LINGO2: variants seen among roughly 807,000 people sequenced by gnomAD.
The protein encoded by LINGO2 is leucine rich repeat and Ig domain containing 2, also known as leucine-rich repeat and immunoglobulin-like domain-containing nogo receptor-interacting protein 2.
Under a neutral mutation model 30.6 loss-of-function variants are expected in LINGO2, and 14 were observed. That is an observed-to-expected ratio of 0.46 (90% CI 0.30 to 0.72). The LOEUF (loss-of-function observed/expected upper bound fraction) is 0.72, where lower values mean the gene tolerates loss of function less well. LINGO2 is among the 30% of genes least tolerant of loss of function. LINGO2 has a pLI of 0.07. For synonymous variants in LINGO2, 317 were observed against 288.5 expected (o/e 1.10, Z -1.00); for missense variants, 729 against 751.7 (o/e 0.97, Z 0.35).
intron 2 of LINGO2, among the ~76,000 whole-genome samples, chr9:28,466,421 G>C (rs913157730): frequency 6.6e-6 from 1 of 152,110 alleles, no homozygotes; most frequent in Admixed American, 6.5e-5. Flanking sequence ...AATTAAAATA[G>C]TTCATGAGAC....
In LINGO2 at chr9:28,467,086, C is replaced by T. The variant is rs865891719; in HGVS notation, c.-279+8854G>A. ...TGTTGCCCTGGCTAGAGTGCAGTGG[C>T]GCCATCTTGACTCACTGCAAGCTCC... On this transcript the variant is annotated intron_variant, in intron 2 of 5. Transcript: ENST00000379992. Among the ~76,000 whole-genome samples, 26 of 150,702 alleles carry T rather than the reference C, an allele frequency of 1.7e-4. No individual in the cohort carries two copies. The Middle Eastern group carries it at 0.021, about 120-fold the overall frequency.
the LINGO2 span, among the ~76,000 whole-genome samples, chr9:29,031,519 G>A: frequency 2.6e-5 from 4 of 151,966 alleles, no homozygotes; most frequent in South Asian, 6.2e-4. Context: ...CTAACCTCAA[G>A]TGATCTGCCC....
Position 28,148,989 on chromosome 9 carries a change from A to T in LINGO2, c.-86-136584T>A. On this transcript the variant is annotated intron_variant, in intron 4 of 5. Transcript: ENST00000379992. This position sits in a 1 kb window ranked among gnomAD's most constrained non-coding sequence, Gnocchi z 5.1. ...CTGTCGGGGCCACCGCTGCAGCTGC[A>T]ACCGACCCCTCCCCTGCAACTGAGG... is the stretch of plus-strand genomic sequence containing the variant. The T allele has an allele frequency of 2.0e-6, 3 of 1,534,266 alleles. No individual in the cohort carries two copies. Among genetic ancestry groups the T allele is most frequent in the Admixed American group, 3.9e-5 (2 of 50,998 alleles).
At chr9:28,812,132 T>C in the LINGO2 span, among the ~76,000 whole-genome samples, 1 of 152,208 alleles carries the variant, frequency 6.6e-6, no homozygotes, top group Admixed American at 6.5e-5. Context: ...TTTAGAATTT[T>C]AAACACTTAC....
the LINGO2 span, among the ~76,000 whole-genome samples, chr9:28,680,972 C>G: frequency 6.6e-6 from 1 of 151,990 alleles, no homozygotes; most frequent in Non-Finnish European, 1.5e-5. Flanking sequence ...TTTATTTTCC[C>G]TCTTGTTACT....
chr9:29,150,396 A>G, the LINGO2 span, among the ~76,000 whole-genome samples: 2 of 152,212 alleles, frequency 1.3e-5, no homozygotes, highest in Admixed American at 1.3e-4. Context: ...GGAGCACACT[A>G]GCTCTATAAT....
chr9:29,042,088 A>T, the LINGO2 span, among the ~76,000 whole-genome samples: 590 of 152,178 alleles, frequency 3.9e-3, 5 homozygotes, highest in Non-Finnish European at 5.7e-3. Flanking sequence ...CTAAAATCAC[A>T]ATGAAATATT....
the LINGO2 span, among the ~76,000 whole-genome samples, chr9:28,783,258 C>T: frequency 5.7e-4 from 87 of 152,166 alleles, no homozygotes; most frequent in African/African-American, 1.9e-3. Context: ...TCCCTTATAA[C>T]GAAATCCCAT....
chr9:28,318,155 C>A (rs1824911595), intron 3 of LINGO2, among the ~76,000 whole-genome samples: 1 of 152,116 alleles, frequency 6.6e-6, no homozygotes, highest in African/African-American at 2.4e-5. Context: ...ACAATCGGAA[C>A]AAGAATGACT....
the LINGO2 span, among the ~76,000 whole-genome samples, chr9:28,976,481 G>A: frequency 3.3e-5 from 5 of 152,080 alleles, no homozygotes; most frequent in African/African-American, 9.7e-5. Context: ...ACATAAGAAT[G>A]TAACCACATT....
the LINGO2 span, among the ~76,000 whole-genome samples, chr9:29,007,465 T>C: frequency 6.6e-6 from 1 of 152,114 alleles, no homozygotes. Flanking sequence ...TAAATATATA[T>C]AGCAGATGTT....
the LINGO2 span, among the ~76,000 whole-genome samples, chr9:28,784,484 G>A: frequency 6.2e-4 from 94 of 152,168 alleles, no homozygotes; most frequent in Non-Finnish European, 1.2e-3. Context: ...TCAATACAAC[G>A]GGCATGCTAA....
At chr9:28,460,189 T>G (rs1825021904) in intron 2 of LINGO2, among the ~76,000 whole-genome samples, 1 of 152,156 alleles carries the variant, frequency 6.6e-6, no homozygotes, top group African/African-American at 2.4e-5. Flanking sequence ...TCTTTCTAAC[T>G]CCCTGCAGTC....
At chr9:29,080,723 G>T in the LINGO2 span, among the ~76,000 whole-genome samples, 1 of 152,072 alleles carries the variant, frequency 6.6e-6, no homozygotes, top group African/African-American at 2.4e-5. Context: ...TTCAGGAGCA[G>T]GTTGTTCAGT....
At chr9:28,093,824 G>A (rs547880342) in intron 4 of LINGO2, among the ~76,000 whole-genome samples, 2 of 151,978 alleles carry the variant, frequency 1.3e-5, no homozygotes, top group East Asian at 3.9e-4. Flanking sequence ...CTTGAAATGT[G>A]TCTCTTTCCC....
chr9:28,103,290 A>G (rs775510254), intron 4 of LINGO2, among the ~76,000 whole-genome samples: 4 of 152,178 alleles, frequency 2.6e-5, no homozygotes, highest in Non-Finnish European at 5.9e-5. Flanking sequence ...GTTAGATTAC[A>G]TAAACGGTCA....
intron 2 of LINGO2, among the ~76,000 whole-genome samples, chr9:28,375,001 G>T (rs1315556859): frequency 6.6e-6 from 1 of 151,776 alleles, no homozygotes; most frequent in African/African-American, 2.4e-5. Flanking sequence ...GAACTCCCAG[G>T]ACCTATTCTT....
the LINGO2 span, among the ~76,000 whole-genome samples, chr9:29,181,710 G>A: frequency 6.6e-6 from 1 of 152,046 alleles, no homozygotes; most frequent in Non-Finnish European, 1.5e-5. Flanking sequence ...TCAAACAATA[G>A]ACTTTCTTGA....
chr9:28,393,187 C>T (rs1821904371), intron 2 of LINGO2, among the ~76,000 whole-genome samples: 1 of 152,208 alleles, frequency 6.6e-6, no homozygotes, highest in South Asian at 2.1e-4. Context: ...CCTGTACCTA[C>T]TATGTGGGAT....
Sources: allele counts gnomAD v4.1 joint callset (sites outside exome capture counted in the v4.1 genomes callset), GRCh38; gene constraint gnomAD v4.1.1; non-coding constraint Gnocchi (gnomAD v3.1); transcripts MANE v1.5; gene names NCBI Gene and HGNC (gene_info 2026-07-23, HGNC 2026-07-21).